The following METTL24 variants were observed in gnomAD, a reference collection of about 807,000 sequenced individuals.
The protein encoded by METTL24 is methyltransferase like 24.
METTL24 carries 29 observed loss-of-function variants against 32.7 expected under a neutral mutation model. That is an observed-to-expected ratio of 0.89 (90% CI 0.66 to 1.21). The LOEUF (loss-of-function observed/expected upper bound fraction) is 1.21. Among genes scored for constraint, METTL24 ranks in the 50% most tolerant of loss-of-function variants. The pLI, the probability that METTL24 is intolerant of heterozygous loss-of-function variation, is 0.00. For synonymous variants in METTL24, 163 were observed against 179.5 expected (o/e 0.91, Z 0.73); for missense variants, 439 against 468.1 (o/e 0.94, Z 0.57).
chr6:110,329,908 T>C (rs962460952), intron 1 of METTL24, among the ~76,000 whole-genome samples: 3 of 152,238 alleles, frequency 2.0e-5, no homozygotes, highest in Non-Finnish European at 4.4e-5. Context: ...AGAGCGGTTA[T>C]TTGAGGAATC....
At chr6:110,276,647 A>C (rs904993678) in intron 4 of METTL24, among the ~76,000 whole-genome samples, 8 of 152,186 alleles carry the variant, frequency 5.3e-5, no homozygotes, top group African/African-American at 1.9e-4. Context: ...AGATACCACC[A>C]GCTCCAACAT....
chr6:110,313,543 G>C (rs1771763825), intron 3 of METTL24, among the ~76,000 whole-genome samples: 1 of 152,148 alleles, frequency 6.6e-6, no homozygotes, highest in South Asian at 2.1e-4. Context: ...TCCTTTAAAT[G>C]AAATTATCCC....
intron 2 of METTL24, among the ~76,000 whole-genome samples, chr6:110,320,258 T>C (rs1771908805): frequency 6.6e-6 from 1 of 152,210 alleles, no homozygotes; most frequent in Admixed American, 6.5e-5. Flanking sequence ...TCCTTGCCCA[T>C]TATGACTCAC....
intron 1 of METTL24, among the ~76,000 whole-genome samples, chr6:110,356,498 C>T (rs1254311668): frequency 6.6e-6 from 1 of 151,950 alleles, no homozygotes; most frequent in Non-Finnish European, 1.5e-5. Context: ...AAAGAAACAT[C>T]ACATTGTAAC....
At chr6:110,313,248 T>C (rs1771757514) in intron 3 of METTL24, among the ~76,000 whole-genome samples, 2 of 152,212 alleles carry the variant, frequency 1.3e-5, no homozygotes. Context: ...TCCCAACACA[T>C]AGACATGATC....
chr6:110,306,302 T>C (rs1045117178), intron 3 of METTL24, among the ~76,000 whole-genome samples: 4 of 151,472 alleles, frequency 2.6e-5, no homozygotes, highest in African/African-American at 9.7e-5. Flanking sequence ...ACTTAAAGTA[T>C]AATAAAATAA....
chr6:110,263,407 T>A (rs1009795694), intron 4 of METTL24, among the ~76,000 whole-genome samples: 2 of 152,230 alleles, frequency 1.3e-5, no homozygotes, highest in East Asian at 3.9e-4. Context: ...GGAATCCAAC[T>A]TACAAAGGAT....
chr6:110,288,448 T>C (rs1234274440), intron 4 of METTL24, among the ~76,000 whole-genome samples: 1 of 151,942 alleles, frequency 6.6e-6, no homozygotes, highest in Admixed American at 6.6e-5. Flanking sequence ...TTCAAAATCT[T>C]TCATTTGTTA....
At chr6:110,255,495 G>A (rs1030819432) in intron 4 of METTL24, among the ~76,000 whole-genome samples, 1 of 152,090 alleles carries the variant, frequency 6.6e-6, no homozygotes, top group Non-Finnish European at 1.5e-5. Context: ...CACAAACGTA[G>A]GCAGGACTGA....
rs752703805 is a variant in METTL24, at chr6:110,322,869, G to A, written c.322C>T (p.Pro108Ser). 1 of 1,610,734 alleles carries A rather than the reference G, an allele frequency of 6.2e-7. No individual in the cohort carries two copies. Among genetic ancestry groups the A allele is most frequent in the East Asian group, 2.2e-5 (1 of 44,698 alleles). ...GGCTGGAGATCTATATGCCACCGGG[G>A]ACCCTGCAAGAGACAGAAAACATAG... ...APRGRPRRKGPRWHIDLQPWA... is the reference protein window; with the variant it reads ...APRGRPRRKGSRWHIDLQPWA... Residue 108 changes from proline (P) to serine (S), a missense_variant, in exon 2 of 5, where the codon CCC (proline) becomes TCC (serine). Transcript: ENST00000338882.
At chr6:110,329,108 A>G (rs1476816068) in intron 1 of METTL24, among the ~76,000 whole-genome samples, 1 of 152,242 alleles carries the variant, frequency 6.6e-6, no homozygotes, top group African/African-American at 2.4e-5. Flanking sequence ...TTTCTTTATC[A>G]CAATAGATAA....
Position 110,322,807 on chromosome 6 carries a change from G to A in METTL24, c.384C>T (p.Ala128=). The A allele has an allele frequency of 6.2e-7, 1 of 1,613,938 alleles. No homozygotes were observed. The highest frequency in any genetic ancestry group is 8.5e-7 in the Non-Finnish European group (1 of 1,179,904). The change falls in exon 2 of 5, where the codon GCC becomes GCT. Residue 128 remains alanine (A), a synonymous_variant. Coordinates refer to ENST00000338882, the MANE Select transcript of METTL24 (RefSeq NM_001123364.3). ...TGCTGATATATCTCAGGAACCTCCA[G>A]GCTTCTTCATCCAGGGACTGAGCAG... The part of the protein sequence containing the change: ...AGSAQSLDEE[A]WRFLRYISTT...
chr6:110,326,661 A>G (rs996116585), intron 1 of METTL24, among the ~76,000 whole-genome samples: 1 of 152,224 alleles, frequency 6.6e-6, no homozygotes, highest in Admixed American at 6.5e-5. Flanking sequence ...AAGGAAACCA[A>G]TAAAGAATAA....
In METTL24 at chr6:110,358,081, C is replaced by T. The variant is rs1204998343; in HGVS notation, c.192G>A (p.Gln64=). 19 of 999,530 alleles carry T rather than the reference C, an allele frequency of 1.9e-5. No homozygotes were observed. Among genetic ancestry groups the T allele is most frequent in the Non-Finnish European group, 2.1e-5 (18 of 841,062 alleles). 61.9% of individuals were successfully genotyped at this position (999,530 alleles called of 1,614,324 possible). A position where few individuals can be genotyped will look rare whatever the true frequency, so the allele number is the denominator to read the frequency against. ...CCTGCCTCCTGCTGGCGCCGCGCGG[C>T]TGGCCCGGCGCGGGCGGCAGGTGCG... ...PGPHLPPAPG[Q]PRGASRRQVT... is the part of the protein sequence containing the mutation. Residue 64 remains glutamine, a synonymous_variant, in exon 1 of 5, where the codon CAG becomes CAA. Transcript: ENST00000338882.
intron 4 of METTL24, among the ~76,000 whole-genome samples, chr6:110,288,112 A>G: frequency 6.6e-6 from 1 of 152,202 alleles, no homozygotes. Flanking sequence ...AGACATCAAC[A>G]GGGCACAGAG....
intron 1 of METTL24, among the ~76,000 whole-genome samples, chr6:110,344,930 G>T (rs1190066327): frequency 1.3e-5 from 2 of 152,180 alleles, no homozygotes; most frequent in South Asian, 2.1e-4. Context: ...ATTGACAAAT[G>T]GGATCTACTT....
chr6:110,350,561 C>CT (rs2114779861), intron 1 of METTL24, among the ~76,000 whole-genome samples: 1 of 151,816 alleles, frequency 6.6e-6, no homozygotes, highest in Non-Finnish European at 1.5e-5. Flanking sequence ...ATATGAGACT[C>CT]TAAGTTTCGT....
At chr6:110,296,498 T>C (rs984448484) in intron 4 of METTL24, among the ~76,000 whole-genome samples, 4 of 152,210 alleles carry the variant, frequency 2.6e-5, no homozygotes, top group African/African-American at 9.6e-5. Flanking sequence ...TTTTGATTTA[T>C]AGTTTGAGGT....
intron 4 of METTL24, among the ~76,000 whole-genome samples, chr6:110,252,467 C>T (rs1313277218): frequency 6.6e-6 from 1 of 152,184 alleles, no homozygotes; most frequent in Non-Finnish European, 1.5e-5. Context: ...TTAATCACCT[C>T]CTTAAAGGCC....
Sources: allele counts gnomAD v4.1 joint callset (sites outside exome capture counted in the v4.1 genomes callset), GRCh38; gene constraint gnomAD v4.1.1; transcripts MANE v1.5; gene names NCBI Gene and HGNC (gene_info 2026-07-23, HGNC 2026-07-21).